The following PTPRD variants were observed in gnomAD, a reference collection of about 807,000 sequenced individuals.
PTPRD encodes protein tyrosine phosphatase receptor type D.
PTPRD carries 34 observed loss-of-function variants against 214.5 expected under a neutral mutation model. That is an observed-to-expected ratio of 0.16 (90% CI 0.12 to 0.21). The LOEUF is 0.21. Among genes scored for constraint, PTPRD ranks in the 10% least tolerant of loss-of-function variants. PTPRD has a pLI of 1.00. For synonymous variants in PTPRD, 1,128 were observed against 845.7 expected (o/e 1.33, Z -5.79); for missense variants, 2,545 against 2,398.7 (o/e 1.06, Z -1.27).
intron 11 of PTPRD, among the ~76,000 whole-genome samples, chr9:8,806,024 A>G (rs930909698): frequency 1.3e-5 from 2 of 150,664 alleles, no homozygotes; most frequent in Non-Finnish European, 1.5e-5. Flanking sequence ...AAAGAAAAAA[A>G]GAAATTCTCC....
intron 3 of PTPRD, among the ~76,000 whole-genome samples, chr9:10,227,452 A>C (rs1358960754): frequency 2.0e-5 from 3 of 151,916 alleles, no homozygotes; most frequent in Non-Finnish European, 2.9e-5. Context: ...CAACATAAAA[A>C]TATTACTCTT....
At chr9:9,542,463 A>G (rs2077819194) in intron 8 of PTPRD, among the ~76,000 whole-genome samples, 1 of 151,812 alleles carries the variant, frequency 6.6e-6, no homozygotes, top group Non-Finnish European at 1.5e-5. Context: ...GTTATATTGA[A>G]TTTCATCAAA....
intron 12 of PTPRD, among the ~76,000 whole-genome samples, chr9:8,727,192 T>C (rs1339097566): frequency 3.3e-5 from 5 of 152,120 alleles, no homozygotes; most frequent in African/African-American, 1.2e-4. Context: ...CAAATAGAGA[T>C]AACAAACAGG....
chr9:9,330,590 C>G (rs13283704), intron 9 of PTPRD, among the ~76,000 whole-genome samples: 1 of 151,904 alleles, frequency 6.6e-6, no homozygotes, highest in Non-Finnish European at 1.5e-5. Context: ...CATCTTTAAT[C>G]TTTAATTGTA....
chr9:8,688,483 T>A (rs1027586151), intron 12 of PTPRD, among the ~76,000 whole-genome samples: 20 of 149,976 alleles, frequency 1.3e-4, no homozygotes, highest in Admixed American at 6.7e-4. Flanking sequence ...GAGAATGGCA[T>A]GAACCCAGGA....
intron 14 of PTPRD, among the ~76,000 whole-genome samples, chr9:8,568,569 C>T (rs2090135240): frequency 6.6e-6 from 1 of 152,138 alleles, no homozygotes; most frequent in Non-Finnish European, 1.5e-5. Flanking sequence ...ACACACCAGA[C>T]TCATTCTCAG....
chr9:10,499,612 T>C (rs2043072990), intron 2 of PTPRD, among the ~76,000 whole-genome samples: 3 of 151,946 alleles, frequency 2.0e-5, no homozygotes, highest in African/African-American at 7.2e-5. Context: ...TCTAAATAGA[T>C]ATGAACTTGT....
intron 3 of PTPRD, among the ~76,000 whole-genome samples, chr9:10,070,722 G>C (rs1309462430): frequency 6.6e-6 from 1 of 151,658 alleles, no homozygotes; most frequent in Non-Finnish European, 1.5e-5. Flanking sequence ...TTACATCAAT[G>C]TTTCTTGTTA....
chr9:9,617,443 C>T (rs575588586), intron 7 of PTPRD, among the ~76,000 whole-genome samples: 3 of 152,190 alleles, frequency 2.0e-5, no homozygotes, highest in African/African-American at 7.2e-5. Context: ...GAACTATGCA[C>T]AATCTTTTAC....
intron 10 of PTPRD, among the ~76,000 whole-genome samples, chr9:9,046,427 C>T (rs754075398): frequency 6.6e-5 from 10 of 152,128 alleles, no homozygotes; most frequent in Admixed American, 1.3e-4. Context: ...TTATCGTGAA[C>T]TGAATAAGTT....
At chr9:8,800,228 T>C (rs1236346098) in intron 11 of PTPRD, among the ~76,000 whole-genome samples, 1 of 152,136 alleles carries the variant, frequency 6.6e-6, no homozygotes, top group Non-Finnish European at 1.5e-5. Flanking sequence ...TTTTTGGCTT[T>C]TTTTAAGGCA....
intron 9 of PTPRD, among the ~76,000 whole-genome samples, chr9:9,291,812 A>G (rs1951236343): frequency 6.6e-6 from 1 of 150,518 alleles, no homozygotes; most frequent in Non-Finnish European, 1.5e-5. Context: ...TAGGTTTTCT[A>G]CAGGAAAAAT....
intron 2 of PTPRD, among the ~76,000 whole-genome samples, chr9:10,387,342 T>C (rs2097936121): frequency 1.3e-5 from 2 of 151,912 alleles, no homozygotes; most frequent in Non-Finnish European, 2.9e-5. Context: ...GTTGATGCCT[T>C]ATAGTTTACT....
chr9:9,223,018 T>C (rs2133440003), intron 9 of PTPRD, among the ~76,000 whole-genome samples: 1 of 152,150 alleles, frequency 6.6e-6, no homozygotes, highest in South Asian at 2.1e-4. Context: ...GTAACTATAT[T>C]TTTGGTTTGT....
At chr9:8,389,176 C>T (rs2088479744) in intron 37 of PTPRD, 56 bp downstream of exon 37, 4 of 1,466,284 alleles carry the variant, frequency 2.7e-6, no homozygotes, top group Admixed American at 4.0e-5. Flanking sequence ...AAATATGCAA[C>T]ATAGGGACTC....
At position 8,360,103 on chromosome 9, in the gene PTPRD, G is replaced by A. The variant is rs140038229; in HGVS notation, c.4661+15833C>T. Among the ~76,000 whole-genome samples, 152 of 152,220 alleles carry A rather than the reference G, an allele frequency of 1.0e-3. 1 individual carries two copies. The highest frequency in any genetic ancestry group is 3.5e-3 in the African/African-American group (145 of 41,560). The stretch of plus-strand genomic sequence containing the variant: ...TAATGTAATTCTTAGATAAAATGAC[G>A]AGATATAGTTACAAAATAAATGAGT... On this transcript the variant is annotated intron_variant, in intron 39 of 45. Coordinates refer to ENST00000381196, the MANE Select transcript of PTPRD (RefSeq NM_002839.4).
intron 10 of PTPRD, among the ~76,000 whole-genome samples, chr9:9,148,904 G>A (rs567060667): frequency 5.1e-4 from 78 of 152,274 alleles, no homozygotes; most frequent in African/African-American, 5.5e-4. Context: ...ACAAAATGGT[G>A]CAGTTACAAA....
At chr9:10,231,973 AGAGAGAGAGAGAGAGAGT>A (rs1189813049) in intron 3 of PTPRD, among the ~76,000 whole-genome samples, 88 of 129,646 alleles carry the variant, frequency 6.8e-4, no homozygotes, top group Admixed American at 2.0e-3. Context: ...AGAGAGAGAG[AGAGAGAGAGAGAGAGAGT>A]GTGTGTGTGT....
Position 8,635,180 on chromosome 9 carries a change from A to G in PTPRD, c.210+1519T>C, listed in dbSNP as rs193083375. Among the ~76,000 whole-genome samples, 184 of 150,786 alleles carry G rather than the reference A, an allele frequency of 1.2e-3. 2 individuals carry two copies. The highest frequency in any genetic ancestry group is 4.3e-3 in the African/African-American group (178 of 41,286). On this transcript the variant is annotated intron_variant, in intron 13 of 45. Transcript: ENST00000381196. ...GGGTAAAAATAATTCATTTACCCCA[A>G]AGGTGTTTATATGACTCTCATGGGG...
Sources: gnomAD v4.1 joint callset for allele counts (sites outside exome capture counted in the v4.1 genomes callset) on GRCh38, gnomAD v4.1.1 for gene constraint, MANE v1.5 for transcripts, NCBI Gene and HGNC (gene_info 2026-07-23, HGNC 2026-07-21) for gene names.